ADAMTS19: variants seen among roughly 807,000 people sequenced by gnomAD.
ADAMTS19 encodes ADAM metallopeptidase with thrombospondin type 1 motif 19.
ADAMTS19 carries 93 observed loss-of-function variants against 153.3 expected under a neutral mutation model. The ratio of observed to expected loss-of-function variants is 0.61; its 90% confidence interval spans 0.51 to 0.72. The LOEUF is 0.72. ADAMTS19 is among the 30% of genes least tolerant of loss of function. The pLI is 0.00. For missense variants in ADAMTS19, 1,482 were observed against 1,552.1 expected (o/e 0.95, Z 0.76); for synonymous variants, 600 against 556.6 (o/e 1.08, Z -1.10).
At chr5:129,482,783 C>T (rs945506489) in intron 2 of ADAMTS19, among the ~76,000 whole-genome samples, 9 of 152,190 alleles carry the variant, frequency 5.9e-5, no homozygotes, top group Middle Eastern at 3.2e-3. Context: ...TTCTTATTCA[C>T]ATTTCTATGT....
chr5:129,487,881 T>C (rs1463305142), intron 2 of ADAMTS19, among the ~76,000 whole-genome samples: 1 of 152,132 alleles, frequency 6.6e-6, no homozygotes, highest in African/African-American at 2.4e-5. Flanking sequence ...TTAATGAGAA[T>C]TGCCATATAT....
chr5:129,570,238 G>C (rs1336105278), intron 7 of ADAMTS19, among the ~76,000 whole-genome samples: 7 of 151,744 alleles, frequency 4.6e-5, no homozygotes, highest in African/African-American at 1.7e-4. Context: ...AGCAATGAAA[G>C]GGAAGATATC....
intron 3 of ADAMTS19, among the ~76,000 whole-genome samples, chr5:129,519,443 G>A (rs1581031134): frequency 6.6e-6 from 1 of 152,050 alleles, no homozygotes; most frequent in African/African-American, 2.4e-5. Flanking sequence ...TGAGGTTAGG[G>A]GAGGGGTGAT....
At chr5:129,601,209 A>G (rs1341925809) in intron 8 of ADAMTS19, among the ~76,000 whole-genome samples, 1 of 152,162 alleles carries the variant, frequency 6.6e-6, no homozygotes, top group Admixed American at 6.5e-5. Flanking sequence ...AATTTTTGAC[A>G]AGAAATATTT....
chr5:129,735,091 A>C lies in ADAMTS19; in HGVS notation c.3472A>C (p.Ile1158Leu). ...PCNEKINVNTITSPRLAALTF... is the reference protein window; with the variant it reads ...PCNEKINVNTLTSPRLAALTF... ...CAATGAGAAAATTAATGTAAATACC[A>C]TAACATCACCCAGACTGGGTAAGCA... The change falls in exon 22 of 23, where the codon ATA becomes CTA. Residue 1158 changes from isoleucine to leucine, a missense_variant. By Grantham distance (5) the Ile-to-Leu change is conservative (BLOSUM62 2). Transcript: ENST00000274487. 6.3e-7 allele frequency: 1 copy of C among 1,599,624 alleles called. No homozygotes were observed. Among genetic ancestry groups the C allele is most frequent in the South Asian group, 1.1e-5 (1 of 87,870 alleles).
Position 129,737,269 on chromosome 5 carries a change from A to AAC in ADAMTS19, c.*60_*61dup, listed in dbSNP as rs747851080. 3 of 1,461,142 alleles carry AAC rather than the reference A, an allele frequency of 2.1e-6. No homozygotes were observed. The highest frequency in any genetic ancestry group is 5.0e-5 in the East Asian group (2 of 39,980). The allele number at this position is 1,461,142 out of a possible 1,614,324, so 90.5% of individuals were successfully genotyped here. ...GCTCTTGGCAATTACATTATTTATAAACACACACACTAGCATGTTTTTCAG... is the reference window on the plus strand; with the variant it reads ...GCTCTTGGCAATTACATTATTTATAAACACACACACACTAGCATGTTTTTCAG... On this transcript the variant is annotated 3_prime_UTR_variant, in exon 23 of 23. Coordinates refer to ENST00000274487, the MANE Select transcript of ADAMTS19 (RefSeq NM_133638.6).
intron 16 of ADAMTS19, among the ~76,000 whole-genome samples, chr5:129,675,859 T>A (rs1019684497): frequency 3.9e-5 from 6 of 152,012 alleles, no homozygotes; most frequent in African/African-American, 1.4e-4. Context: ...TAATACCTCG[T>A]CTCTACTAAA....
At chr5:129,657,054 G>C (rs2127061728) in intron 14 of ADAMTS19, among the ~76,000 whole-genome samples, 1 of 152,300 alleles carries the variant, frequency 6.6e-6, no homozygotes, top group African/African-American at 2.4e-5. Context: ...TCACATACTT[G>C]GTTGTGTTCT....
chr5:129,578,079 CATATATACATATACATACATAT>C (rs1749258304), intron 7 of ADAMTS19, among the ~76,000 whole-genome samples: 1 of 88,420 alleles, frequency 1.1e-5, no homozygotes, highest in African/African-American at 3.1e-5. Flanking sequence ...CACACACACA[CATATATACATATACATACATAT>C]ACATATGCAT....
chr5:129,683,932 C>G (rs1339763493), intron 17 of ADAMTS19, among the ~76,000 whole-genome samples, 188 bp from the exon 18 acceptor site: 1 of 151,006 alleles, frequency 6.6e-6, no homozygotes, highest in Non-Finnish European at 1.5e-5. Flanking sequence ...ATGGCAATAT[C>G]TACATTTAAG....
At chr5:129,565,909 C>G (rs2126853188) in intron 7 of ADAMTS19, among the ~76,000 whole-genome samples, 1 of 152,118 alleles carries the variant, frequency 6.6e-6, no homozygotes, top group Non-Finnish European at 1.5e-5. Context: ...TTTTAAGCAA[C>G]AGTATTGGGG....
intron 2 of ADAMTS19, among the ~76,000 whole-genome samples, chr5:129,489,877 T>C (rs917285421): frequency 1.3e-5 from 2 of 152,178 alleles, no homozygotes; most frequent in Non-Finnish European, 1.5e-5. Flanking sequence ...TCTGGCATCA[T>C]TGCAAATCCT....
chr5:129,675,961 G>C (rs949310847), intron 16 of ADAMTS19, among the ~76,000 whole-genome samples: 2 of 152,146 alleles, frequency 1.3e-5, no homozygotes, highest in Non-Finnish European at 2.9e-5. Flanking sequence ...CCATGAGGCA[G>C]AGGTTGCAAT....
At chr5:129,714,136 C>G (rs925749254) in intron 21 of ADAMTS19, among the ~76,000 whole-genome samples, 12 of 152,270 alleles carry the variant, frequency 7.9e-5, no homozygotes, top group Admixed American at 6.5e-4. Context: ...AAATACATAT[C>G]TGGCCGGGCG....
chr5:129,735,261 T>A, intron 22 of ADAMTS19, 152 bp downstream of exon 22: 3 of 808,226 alleles, frequency 3.7e-6, no homozygotes, highest in Non-Finnish European at 5.1e-6. Context: ...TATGATTTCG[T>A]CCAAATGGTC....
chr5:129,476,178 A>T (rs960149495), intron 2 of ADAMTS19, among the ~76,000 whole-genome samples: 1 of 151,978 alleles, frequency 6.6e-6, no homozygotes, highest in Non-Finnish European at 1.5e-5. Flanking sequence ...AGTCTTGATT[A>T]AAAAGAACAA....
intron 17 of ADAMTS19, among the ~76,000 whole-genome samples, chr5:129,683,816 C>G (rs573355130): frequency 2.7e-4 from 40 of 150,050 alleles, no homozygotes; most frequent in South Asian, 2.1e-4. Flanking sequence ...TCTAGTCCAT[C>G]AAATTGAAAG....
rs564654117 is a variant in ADAMTS19, at chr5:129,652,552, T to C, written c.2177-1754T>C. 4.4e-4 allele frequency among the ~76,000 whole-genome samples: 67 copies of C among 152,346 alleles called. No homozygotes were observed. In the South Asian group the frequency reaches 4.8e-3, roughly 11 times the overall value. On this transcript the variant is annotated intron_variant, in intron 13 of 22. Transcript: ENST00000274487. Reference sequence around the variant, plus strand: ...ATCAAGACAGAACCTGCCTGCCAAGTATGGCATGTTACATGGATCACTACA... The same window carrying C: ...ATCAAGACAGAACCTGCCTGCCAAGCATGGCATGTTACATGGATCACTACA...
Position 129,684,180 on chromosome 5 carries a change from C to A in ADAMTS19, c.2725C>A (p.Pro909Thr). Residue 909 changes from proline (P) to threonine (T), a missense_variant, in exon 18 of 23, where the codon CCT (proline) becomes ACT (threonine). By Grantham distance (38) the Pro-to-Thr change is conservative (BLOSUM62 -1). Transcript: ENST00000274487. ...CTATGAATACACTATCCCATCAGAC[C>A]CTCTTCCAGAAAACCAGAGCTCTAA... The part of the protein sequence containing the change: ...LHYEYTIPSD[P>T]LPENQSSKAP... 6.2e-7 allele frequency: 1 copy of A among 1,614,032 alleles called. No homozygotes were observed. The highest frequency in any genetic ancestry group is 1.7e-4 in the Middle Eastern group (1 of 6,058).
Sources: allele counts gnomAD v4.1 joint callset (sites outside exome capture counted in the v4.1 genomes callset), GRCh38; gene constraint gnomAD v4.1.1; transcripts MANE v1.5; gene names NCBI Gene and HGNC (gene_info 2026-07-23, HGNC 2026-07-21).